ICE1: variants seen among roughly 807,000 people sequenced by gnomAD.
The protein encoded by ICE1 is little elongation complex subunit 1.
Under a neutral mutation model 192.7 loss-of-function variants are expected in ICE1, and 64 were observed. The ratio of observed to expected loss-of-function variants is 0.33; its 90% confidence interval spans 0.27 to 0.41. The LOEUF is 0.41. Among genes scored for constraint, ICE1 ranks in the 10% least tolerant of loss-of-function variants. The probability of loss-of-function intolerance (pLI) is 1.00; values close to 1 mark genes in which losing one functional copy is unlikely to be tolerated. For missense variants in ICE1, 2,708 were observed against 2,696.0 expected (o/e 1.00, Z -0.10); for synonymous variants, 1,010 against 984.5 (o/e 1.03, Z -0.49).
intron 13 of ICE1, among the ~76,000 whole-genome samples, 168 bp downstream of exon 13, chr5:5,465,394 A>T (rs759307855): frequency 6.6e-5 from 10 of 152,228 alleles, no homozygotes; most frequent in Non-Finnish European, 1.2e-4. Context: ...CATTTTACAG[A>T]TTTAAAATAT....
chr5:5,439,802 A>G (rs1737984843), intron 3 of ICE1, 93 bp from the exon 4 acceptor site: 5 of 818,330 alleles, frequency 6.1e-6, no homozygotes, highest in Non-Finnish European at 9.5e-6. Flanking sequence ...TATATGTTGA[A>G]CACAAATTAT....
rs200640754 is a variant in ICE1, at chr5:5,458,934, G to A, written c.1101+1193G>A. ...GTTGCCCAGACTGGAGCACAGTGGC[G>A]CGATCTCGGCTCACTGCAAGCTCCA... On this transcript the variant is annotated intron_variant, in intron 12 of 18. Transcript: ENST00000296564. Among the ~76,000 whole-genome samples the A allele has an allele frequency of 2.3e-4, 35 of 152,060 alleles. No homozygotes were observed. The East Asian group carries it at 5.2e-3, about 23-fold the overall frequency.
Position 5,466,326 on chromosome 5 carries a change from C to T in ICE1, c.5893-8C>T. 5.8e-6 allele frequency: 9 copies of T among 1,562,698 alleles called. No homozygotes were observed. The highest frequency in any genetic ancestry group is 1.7e-4 in the Middle Eastern group (1 of 5,788). The stretch of plus-strand genomic sequence containing the variant: ...TACATTGCCTTTTTAATTTTTTTTT[C>T]AATCCAGCATTTAGCAGAGTGCTTG... On this transcript the variant is annotated splice_region_variant and splice_polypyrimidine_tract_variant and intron_variant, in intron 13 of 18. Coordinates refer to ENST00000296564, the MANE Select transcript of ICE1 (RefSeq NM_015325.3).
Position 5,464,875 on chromosome 5 carries a change from A to C in ICE1, c.5541A>C (p.Arg1847Ser). 1 of 1,613,252 alleles carries C rather than the reference A, an allele frequency of 6.2e-7. No homozygotes were observed. The highest frequency in any genetic ancestry group is 8.5e-7 in the Non-Finnish European group (1 of 1,179,512). The change falls in exon 13 of 19, where the codon AGA (arginine) becomes AGC (serine). Residue 1847 changes from arginine to serine, a missense_variant. Arg to Ser is a moderately radical substitution (Grantham distance 110). Coordinates refer to ENST00000296564, the MANE Select transcript of ICE1 (RefSeq NM_015325.3). This position sits in a 1 kb window ranked among gnomAD's most constrained non-coding sequence, Gnocchi z 4.0. ...LSTSTLRSAK[R>S]LRLDTGSPEP... ...CGTCTACACTGAGAAGTGCTAAAAG[A>C]CTGCGCCTGGACACTGGGTCCCCAG...
At chr5:5,449,459 C>CG (rs1216976511) in intron 10 of ICE1, among the ~76,000 whole-genome samples, 1 of 146,366 alleles carries the variant, frequency 6.8e-6, no homozygotes, top group African/African-American at 2.5e-5. Context: ...AATTTTCGAC[C>CG]GGAAAAAAAA....
intron 14 of ICE1, 23 bp from the exon 15 acceptor site, chr5:5,468,805 T>C: frequency 7.2e-7 from 1 of 1,394,442 alleles, no homozygotes; most frequent in Non-Finnish European, 9.8e-7. Flanking sequence ...CAAAGAGTTA[T>C]TGTATTATTT....
intron 1 of ICE1, among the ~76,000 whole-genome samples, chr5:5,426,867 T>G (rs1737534938): frequency 1.3e-5 from 2 of 152,234 alleles, no homozygotes; most frequent in African/African-American, 2.4e-5. Context: ...AGAGAGAAAC[T>G]AAAGAGGTAC....
intron 16 of ICE1, 31 bp from the exon 17 acceptor site, chr5:5,475,942 G>A: frequency 7.9e-7 from 1 of 1,261,458 alleles, no homozygotes; most frequent in Non-Finnish European, 1.2e-6. Flanking sequence ...GTGATGATGA[G>A]CATACATCTT....
intron 7 of ICE1, among the ~76,000 whole-genome samples, chr5:5,445,938 T>G (rs551083697): frequency 6.6e-6 from 1 of 151,924 alleles, no homozygotes; most frequent in Non-Finnish European, 1.5e-5. Flanking sequence ...AGGCTGGTCT[T>G]GAACTCCTAA....
chr5:5,466,516 G>A lies in ICE1; in HGVS notation c.6061+14G>A. ...TACTTAAAGAAGGTATGCTTAGATT[G>A]TGACAATTTTGTATTGAAAATATAC... On this transcript the variant is annotated intron_variant, in intron 14 of 18. Transcript: ENST00000296564. 1 of 1,590,546 alleles carries A rather than the reference G, an allele frequency of 6.3e-7. No individual in the cohort carries two copies.
In ICE1 at chr5:5,462,684, G is replaced by A. The variant is rs868570762; in HGVS notation, c.3350G>A (p.Ser1117Asn). The change falls in exon 13 of 19, where the codon AGT becomes AAT. Residue 1117 changes from serine (S) to asparagine (N), a missense_variant. By Grantham distance (46) the Ser-to-Asn change is conservative (BLOSUM62 1). Transcript: ENST00000296564. ...GTAGAGAGTGAGGCATTTAGCTGCAGTGAGGGGAGCGAACAGCAAGATGCT... is the reference window on the plus strand; with the variant it reads ...GTAGAGAGTGAGGCATTTAGCTGCAATGAGGGGAGCGAACAGCAAGATGCT... ...TEVESEAFSC[S>N]EGSEQQDAPD... 1.2e-6 allele frequency: 2 copies of A among 1,613,984 alleles called. No individual in the cohort carries two copies. The highest frequency in any genetic ancestry group is 1.6e-4 in the Middle Eastern group (1 of 6,062).
At chr5:5,437,253 G>A in intron 3 of ICE1, 139 bp downstream of exon 3, 1 of 622,962 alleles carries the variant, frequency 1.6e-6, no homozygotes, top group Non-Finnish European at 2.8e-6. Context: ...TGTCTCACAA[G>A]CACAGTAAAC....
intron 1 of ICE1, among the ~76,000 whole-genome samples, chr5:5,431,715 C>T (rs1009461459): frequency 6.6e-6 from 1 of 152,094 alleles, no homozygotes; most frequent in Non-Finnish European, 1.5e-5. Flanking sequence ...TGCTTTGTCT[C>T]CAGTGGTCTG....
At chr5:5,470,545 A>G (rs999609558) in intron 15 of ICE1, among the ~76,000 whole-genome samples, 1 of 152,216 alleles carries the variant, frequency 6.6e-6, no homozygotes, top group African/African-American at 2.4e-5. Flanking sequence ...GGATTTCCAA[A>G]TACTCACTTA....
Position 5,468,834 on chromosome 5 carries a change from C to A in ICE1, c.6068C>A (p.Pro2023Gln). 6.4e-7 allele frequency: 1 copy of A among 1,566,388 alleles called. No individual in the cohort carries two copies. Among genetic ancestry groups the A allele is most frequent in the Admixed American group, 1.9e-5 (1 of 52,648 alleles). Residue 2023 changes from proline (P) to glutamine (Q), a missense_variant, in exon 15 of 19, where the codon CCG (proline) becomes CAG (glutamine). This residue lies in a region of ICE1 where 342 missense variants were observed against 419.3 expected (regional missense o/e 0.82). Transcript: ENST00000296564. Reference sequence around the variant, plus strand: ...ATTATTTTATTTCTGATAGATTTTCCGGAGTCTGAAAAATTAACTTTGTTT... The same window carrying A: ...ATTATTTTATTTCTGATAGATTTTCAGGAGTCTGAAAAATTAACTTTGTTT... ...FCYSLLKEDF[P>Q]ESEKLTLFIA...
Position 5,462,202 on chromosome 5 carries a change from A to C in ICE1, c.2868A>C (p.Arg956Ser), listed in dbSNP as rs771807890. 1 of 1,611,168 alleles carries C rather than the reference A, an allele frequency of 6.2e-7. No individual in the cohort carries two copies. Among genetic ancestry groups the C allele is most frequent in the Admixed American group, 1.7e-5 (1 of 59,464 alleles). The change falls in exon 13 of 19, where the codon AGA (arginine) becomes AGC (serine). Residue 956 changes from arginine to serine, a missense_variant. Transcript: ENST00000296564. ...VENSDCSTNS[R>S]LSFSPENILI... ...ATTCTGATTGTTCCACAAATAGCAGATTATCTTTCTCTCCTGAAAATATCC... is the reference window on the plus strand; with the variant it reads ...ATTCTGATTGTTCCACAAATAGCAGCTTATCTTTCTCTCCTGAAAATATCC...
At chr5:5,483,465 T>C (rs1435621615) in intron 17 of ICE1, among the ~76,000 whole-genome samples, 2 of 152,226 alleles carry the variant, frequency 1.3e-5, no homozygotes, top group Non-Finnish European at 2.9e-5. Flanking sequence ...TACTCCAACC[T>C]ACCTTAATGA....
chr5:5,437,136 C>A, intron 3 of ICE1, 22 bp downstream of exon 3: 2 of 1,520,970 alleles, frequency 1.3e-6, no homozygotes, highest in South Asian at 1.2e-5. Context: ...CTGGCTTTTT[C>A]TGTTGAGTTT....
At chr5:5,445,069 T>TA (rs1738171124) in intron 7 of ICE1, among the ~76,000 whole-genome samples, 1 of 152,222 alleles carries the variant, frequency 6.6e-6, no homozygotes, top group African/African-American at 2.4e-5. Flanking sequence ...GCGGGCATCT[T>TA]ACCTGCTATG....
Sources: allele counts gnomAD v4.1 joint callset (sites outside exome capture counted in the v4.1 genomes callset), GRCh38; gene constraint gnomAD v4.1.1; regional missense constraint gnomAD v4.1.1; non-coding constraint Gnocchi (gnomAD v3.1); transcripts MANE v1.5; gene names NCBI Gene and HGNC (gene_info 2026-07-23, HGNC 2026-07-21).